Variants in GATA5 observed in about 807,000 individuals in gnomAD.
The protein encoded by GATA5 is transcription factor GATA-5.
A neutral mutation model predicts 35.0 loss-of-function variants in GATA5; 27 were observed. The observed-to-expected ratio is 0.77, with a 90% CI of 0.57 to 1.06. GATA5 has a LOEUF of 1.06. Among genes scored for constraint, GATA5 ranks in the 50% least tolerant of loss-of-function variants. The pLI is 0.00. For synonymous variants in GATA5, 306 were observed against 267.8 expected (o/e 1.14, Z -1.39); for missense variants, 612 against 580.0 (o/e 1.06, Z -0.57).
At chr20:62,468,700 C>T (rs997574701) in intron 3 of GATA5, among the ~76,000 whole-genome samples, 8 of 152,246 alleles carry the variant, frequency 5.3e-5, no homozygotes, top group East Asian at 1.9e-4. Context: ...GGCCTGACTG[C>T]GGAGGACAAT....
At chr20:62,471,485 G>A (rs1555896540) in intron 3 of GATA5, among the ~76,000 whole-genome samples, 1 of 91,470 alleles carries the variant, frequency 1.1e-5, no homozygotes, top group Admixed American at 1.3e-4. Context: ...AGGCTGGAGT[G>A]CAGTGGTGCC....
At chr20:62,475,643 T>C in intron 1 of GATA5, 101 bp from the exon 2 acceptor site, 1 of 778,468 alleles carries the variant, frequency 1.3e-6, no homozygotes, top group Non-Finnish European at 1.7e-6. Context: ...GGGCAGCGCT[T>C]CCCAGTCCCC....
At position 62,475,194 on chromosome 20, in the gene GATA5, C is replaced by A. The variant is rs1373761742; in HGVS notation, c.328G>T (p.Gly110Cys). 7.1e-6 allele frequency: 9 copies of A among 1,262,388 alleles called. No homozygotes were observed. Among genetic ancestry groups the A allele is most frequent in the Middle Eastern group, 2.4e-4 (1 of 4,238 alleles). The allele number at this position is 1,262,388 out of a possible 1,614,324, so 78.2% of individuals were successfully genotyped here. Residue 110 changes from glycine (G) to cysteine (C), a missense_variant, in exon 2 of 7, where the codon GGC becomes TGC. Gly to Cys is a radical substitution (Grantham distance 159). Transcript: ENST00000252997. ...CCCTGGTAGGCACTGCCGTCTCGGCCCCCCGCGCTGCCGCCGCTGCCGGGC... is the reference window on the plus strand; with the variant it reads ...CCCTGGTAGGCACTGCCGTCTCGGCACCCCGCGCTGCCGCCGCTGCCGGGC... The part of the protein sequence containing the change: ...SGPGSGGSAG[G>C]RDGSAYQGAL...
intron 4 of GATA5, 152 bp downstream of exon 4, chr20:62,466,274 A>G: frequency 1.1e-6 from 1 of 896,608 alleles, no homozygotes; most frequent in South Asian, 1.8e-5. Flanking sequence ...GTGGTGCCGC[A>G]GTCGGCCGGC....
Position 62,475,487 on chromosome 20 carries a change from CG to C in GATA5, c.34del (p.Arg12AlafsTer135). ...YQSLALAASP[R>X]QAAYADSGSF... is the part of the protein sequence containing the mutation. ...GCCCGAGTCGGCGTAGGCGGCCTGG[CG>C]GGGGCTCGCGGCCAGCGCCAGGCTC... On this transcript the variant is annotated frameshift_variant, in exon 2 of 7. Coordinates refer to ENST00000252997, the MANE Select transcript of GATA5 (RefSeq NM_080473.5). LOFTEE classifies it high-confidence loss of function. 7.6e-7 allele frequency: 1 copy of C among 1,320,548 alleles called. No homozygotes were observed. The allele number at this position is 1,320,548 out of a possible 1,614,324, so 81.8% of individuals were successfully genotyped here. A position where few individuals can be genotyped will look rare whatever the true frequency, so the allele number is the denominator to read the frequency against.
chr20:62,465,273 A>G, intron 6 of GATA5, 67 bp downstream of exon 6: 1 of 1,507,098 alleles, frequency 6.6e-7, no homozygotes, highest in Non-Finnish European at 8.9e-7. Flanking sequence ...CTCTGATGGG[A>G]TCTGACTTGG....
chr20:62,469,659 C>A (rs148073937), intron 3 of GATA5, among the ~76,000 whole-genome samples: 65 of 152,368 alleles, frequency 4.3e-4, no homozygotes, highest in African/African-American at 1.3e-3. Context: ...AGGGAAACAC[C>A]TGGAACCCAC....
intron 5 of GATA5, 53 bp from the exon 6 acceptor site, chr20:62,465,517 C>G: frequency 6.4e-7 from 1 of 1,566,870 alleles, no homozygotes; most frequent in Non-Finnish European, 8.6e-7. Flanking sequence ...CCTCACTTCC[C>G]CTTCCTGCCA....
At chr20:62,474,248 C>A (rs1033000704) in intron 2 of GATA5, among the ~76,000 whole-genome samples, 1 of 152,156 alleles carries the variant, frequency 6.6e-6, no homozygotes, top group African/African-American at 2.4e-5. Flanking sequence ...AGGCCCGGCC[C>A]GGCGCCGGCG....
At chr20:62,468,799 G>A (rs1367404437) in intron 3 of GATA5, among the ~76,000 whole-genome samples, 1 of 152,242 alleles carries the variant, frequency 6.6e-6, no homozygotes, top group Non-Finnish European at 1.5e-5. Context: ...TTCTGCTCAC[G>A]CTGGAGGGCC....
At chr20:62,471,434 T>A (rs1482730046) in intron 3 of GATA5, among the ~76,000 whole-genome samples, 4 of 123,542 alleles carry the variant, frequency 3.2e-5, no homozygotes, top group Admixed American at 8.0e-5. Flanking sequence ...CAATTACAAT[T>A]TTTTTTTTTT....
chr20:62,472,483 G>A (rs1555896666), intron 3 of GATA5, among the ~76,000 whole-genome samples: 1 of 152,194 alleles, frequency 6.6e-6, no homozygotes, highest in Admixed American at 6.5e-5. Flanking sequence ...CCAGGGTGAC[G>A]GCGGGAGCTG....
intron 3 of GATA5, among the ~76,000 whole-genome samples, chr20:62,472,218 C>T (rs757259471): frequency 9.2e-5 from 14 of 152,176 alleles, no homozygotes; most frequent in Non-Finnish European, 1.9e-4. Flanking sequence ...GAGGCTGGGC[C>T]TGCAGAGCCC....
At chr20:62,469,928 G>T (rs1989683110) in intron 3 of GATA5, among the ~76,000 whole-genome samples, 1 of 152,194 alleles carries the variant, frequency 6.6e-6, no homozygotes, top group Non-Finnish European at 1.5e-5. Context: ...TGCCCGCGCT[G>T]GGGCTCCCTG....
chr20:62,469,021 C>T (rs571158674), intron 3 of GATA5, among the ~76,000 whole-genome samples: 4 of 152,350 alleles, frequency 2.6e-5, no homozygotes, highest in South Asian at 2.1e-4. Flanking sequence ...CTTCTATCCT[C>T]GTCAGGTGCC....
At chr20:62,465,609 G>A (rs1295487915) in intron 5 of GATA5, 145 bp from the exon 6 acceptor site, 70 of 1,186,278 alleles carry the variant, frequency 5.9e-5, no homozygotes, top group South Asian at 5.4e-4. Context: ...TGGTGTGGCC[G>A]GGCGTGGCTT....
At chr20:62,466,212 A>G (rs1217961994) in intron 4 of GATA5, among the ~76,000 whole-genome samples, 1 of 152,176 alleles carries the variant, frequency 6.6e-6, no homozygotes, top group Non-Finnish European at 1.5e-5. Context: ...GGTGAGCCTC[A>G]GTCAGCGCGT....
intron 3 of GATA5, among the ~76,000 whole-genome samples, chr20:62,468,451 T>C (rs1989646993): frequency 6.6e-6 from 1 of 152,182 alleles, no homozygotes; most frequent in South Asian, 2.1e-4. Flanking sequence ...AGTGGGGGCC[T>C]CCCTGCAGCC....
intron 2 of GATA5, among the ~76,000 whole-genome samples, chr20:62,474,500 C>T (rs1989803967): frequency 2.0e-5 from 3 of 152,240 alleles, no homozygotes; most frequent in African/African-American, 7.2e-5. Context: ...GAGGAGCCGC[C>T]TTCGCCAGAA....
Sources: gnomAD v4.1 joint callset for allele counts (sites outside exome capture counted in the v4.1 genomes callset) on GRCh38, gnomAD v4.1.1 for gene constraint, MANE v1.5 for transcripts, NCBI Gene and HGNC (gene_info 2026-07-23, HGNC 2026-07-21) for gene names.